Variants in RAPGEF4 observed in about 807,000 individuals in gnomAD.
The protein encoded by RAPGEF4 is Rap guanine nucleotide exchange factor 4.
Under a neutral mutation model 147.9 loss-of-function variants are expected in RAPGEF4, and 66 were observed. That is an observed-to-expected ratio of 0.45 (90% CI 0.37 to 0.55). The LOEUF (loss-of-function observed/expected upper bound fraction) is 0.55, where lower values mean the gene tolerates loss of function less well. RAPGEF4 is among the 20% of genes least tolerant of loss of function. RAPGEF4 has a pLI of 0.00. For synonymous variants in RAPGEF4, 419 were observed against 442.7 expected, an observed-to-expected ratio of 0.95 and a Z score of 0.67; for missense variants, 1,071 against 1,257.3, an observed-to-expected ratio of 0.85 and a Z score of 2.24.
At chr2:173,047,332 C>G (rs376910344) in intron 29 of RAPGEF4, among the ~76,000 whole-genome samples, 56 of 152,232 alleles carry the variant, frequency 3.7e-4, no homozygotes, top group African/African-American at 1.3e-3. Flanking sequence ...CCTTTTAAGT[C>G]TTTATTGCAA....
At position 172,857,174 on chromosome 2, in the gene RAPGEF4, G is replaced by GCGCA. The variant is rs1491278756; in HGVS notation, c.444+42750_444+42751insGCAC. The stretch of plus-strand genomic sequence containing the variant: ...ATTTAAAATACGCGCGTGTGCGCGC[G>GCGCA]CACACACACACACACACACACACAC... On this transcript the variant is annotated intron_variant, in intron 4 of 30. Coordinates refer to ENST00000397081, the MANE Select transcript of RAPGEF4 (RefSeq NM_007023.4). Among the ~76,000 whole-genome samples, 934 of 150,144 alleles carry GCGCA rather than the reference G, an allele frequency of 6.2e-3. 19 individuals are homozygous for GCGCA. The highest frequency in any genetic ancestry group is 0.021 in the African/African-American group (842 of 40,896).
chr2:173,014,730 A>ACACATT (rs1695350209), intron 18 of RAPGEF4, 116 bp downstream of exon 18: 5 of 990,302 alleles, frequency 5.0e-6, no homozygotes, highest in Non-Finnish European at 1.4e-6. Flanking sequence ...GACTTTGTGA[A>ACACATT]CACATTCATT....
At chr2:173,011,153 A>G (rs1239538672) in intron 17 of RAPGEF4, among the ~76,000 whole-genome samples, 1 of 119,348 alleles carries the variant, frequency 8.4e-6, no homozygotes, top group African/African-American at 3.6e-5. Context: ...GGAACCTTGG[A>G]ACTTCAGCGC....
At chr2:172,997,713 AT>A (rs1210101209) in intron 16 of RAPGEF4, among the ~76,000 whole-genome samples, 2 of 152,176 alleles carry the variant, frequency 1.3e-5, no homozygotes, top group African/African-American at 4.8e-5. Context: ...TTTTAAGCAC[AT>A]TGAGCTCCAT....
chr2:172,980,841 G>A (rs1691602931), intron 10 of RAPGEF4, among the ~76,000 whole-genome samples: 2 of 151,982 alleles, frequency 1.3e-5, no homozygotes, highest in East Asian at 1.9e-4. Context: ...TGCAGAAGCG[G>A]GGTCTCACTC....
chr2:172,748,533 G>A (rs1694978629), intron 1 of RAPGEF4, among the ~76,000 whole-genome samples: 1 of 152,084 alleles, frequency 6.6e-6, no homozygotes, highest in Admixed American at 6.6e-5. Flanking sequence ...TGGGGAAGCT[G>A]CCCCCATGAT....
chr2:172,921,005 G>A (rs1239936262), intron 5 of RAPGEF4, among the ~76,000 whole-genome samples: 3 of 152,116 alleles, frequency 2.0e-5, no homozygotes, highest in African/African-American at 4.8e-5. Context: ...GTGGATCAAA[G>A]CTTCAATTAG....
intron 1 of RAPGEF4, among the ~76,000 whole-genome samples, chr2:172,789,516 G>C (rs72902287): frequency 0.015 from 2,238 of 152,218 alleles, 19 homozygotes; most frequent in South Asian, 0.03. Context: ...TTAAGTGTAG[G>C]ATATATTTTT....
chr2:172,816,150 T>G (rs567007111), intron 4 of RAPGEF4, among the ~76,000 whole-genome samples: 84 of 152,338 alleles, frequency 5.5e-4, no homozygotes, highest in African/African-American at 2.0e-3. Context: ...ACCCAGTCTA[T>G]ATTTCAAATG....
chr2:172,956,038 T>C lies in RAPGEF4; in HGVS notation c.538-4722T>C, dbSNP rs868024366. Among the ~76,000 whole-genome samples the C allele has an allele frequency of 1.1e-3, 171 of 152,246 alleles. 1 individual carries two copies. The highest frequency in any genetic ancestry group is 3.8e-3 in the African/African-American group (156 of 41,474). ...ATTTATAAAATGAAATTCTTTTCCATGTTTCTCTGACTTCTGGCTGGAGAG... is the reference window on the plus strand; with the variant it reads ...ATTTATAAAATGAAATTCTTTTCCACGTTTCTCTGACTTCTGGCTGGAGAG... On this transcript the variant is annotated intron_variant, in intron 6 of 30. Coordinates refer to ENST00000397081, the MANE Select transcript of RAPGEF4 (RefSeq NM_007023.4).
At chr2:172,746,424 A>C (rs1250284225) in intron 1 of RAPGEF4, among the ~76,000 whole-genome samples, 2 of 152,184 alleles carry the variant, frequency 1.3e-5, no homozygotes, top group African/African-American at 4.8e-5. Context: ...GCCCACAGGT[A>C]ATGCTACAGA....
At chr2:172,867,579 A>G (rs547585197) in intron 4 of RAPGEF4, among the ~76,000 whole-genome samples, 2 of 152,356 alleles carry the variant, frequency 1.3e-5, no homozygotes, top group East Asian at 1.9e-4. Flanking sequence ...TCTGAAATGT[A>G]TCTATCTCAT....
chr2:172,860,273 G>A (rs925819395), intron 4 of RAPGEF4: 11 of 985,330 alleles, frequency 1.1e-5, no homozygotes, highest in South Asian at 4.7e-5. Context: ...GGCTCCTGCC[G>A]TGGTGGACCT....
At chr2:172,747,023 A>G (rs16860843) in intron 1 of RAPGEF4, among the ~76,000 whole-genome samples, 1,802 of 152,336 alleles carry the variant, frequency 0.012, 22 homozygotes, top group South Asian at 0.04. Flanking sequence ...GATGTTGAAA[A>G]CAAATAGAAA....
intron 5 of RAPGEF4, among the ~76,000 whole-genome samples, chr2:172,920,718 C>G (rs770161835): frequency 1.3e-5 from 2 of 152,090 alleles, no homozygotes; most frequent in Non-Finnish European, 2.9e-5. Context: ...ATTTGTGCAA[C>G]TGTGTATTTA....
intron 17 of RAPGEF4, among the ~76,000 whole-genome samples, chr2:173,002,411 A>G (rs1438061444): frequency 6.6e-6 from 1 of 152,174 alleles, no homozygotes; most frequent in Non-Finnish European, 1.5e-5. Context: ...TGATGCTGGT[A>G]TGTAGCACAG....
At chr2:172,798,191 G>A (rs1364365056) in intron 3 of RAPGEF4, among the ~76,000 whole-genome samples, 3 of 151,786 alleles carry the variant, frequency 2.0e-5, no homozygotes, top group African/African-American at 7.3e-5. Flanking sequence ...CACCTCTGAG[G>A]AGTTTGGCAT....
intron 17 of RAPGEF4, among the ~76,000 whole-genome samples, chr2:173,012,634 G>T (rs62175773): frequency 6.6e-6 from 1 of 152,216 alleles, no homozygotes; most frequent in Non-Finnish European, 1.5e-5. Flanking sequence ...AGCTGAAAGA[G>T]AATTTGGAAA....
At chr2:172,761,566 G>C (rs13427351) in intron 1 of RAPGEF4, among the ~76,000 whole-genome samples, 15,789 of 152,222 alleles carry the variant, frequency 0.1, 853 homozygotes, top group Middle Eastern at 0.15. Context: ...GAAAAACTAA[G>C]AGGAGTTGTG....
Sources: allele counts gnomAD v4.1 joint callset (sites outside exome capture counted in the v4.1 genomes callset), GRCh38; gene constraint gnomAD v4.1.1; transcripts MANE v1.5; gene names NCBI Gene and HGNC (gene_info 2026-07-23, HGNC 2026-07-21).